SZRD1: variants seen among roughly 807,000 people sequenced by gnomAD.
SZRD1 encodes SUZ RNA-binding domain-containing.
Under a neutral mutation model 17.6 loss-of-function variants are expected in SZRD1, and 7 were observed. That is an observed-to-expected ratio of 0.40 (90% confidence interval 0.23 to 0.75). The LOEUF is 0.75. Ranked by LOEUF, SZRD1 falls within the 30% of genes least tolerant of loss-of-function variation. The pLI is 0.38. For synonymous variants in SZRD1, 77 were observed against 77.9 expected (o/e 0.99, Z 0.06); for missense variants, 178 against 201.8 (o/e 0.88, Z 0.71).
At chr1:16,382,240 T>G (rs1396055910) in intron 1 of SZRD1, among the ~76,000 whole-genome samples, 1 of 151,476 alleles carries the variant, frequency 6.6e-6, no homozygotes, top group Non-Finnish European at 1.5e-5. Context: ...CAGGCTGGAG[T>G]GCAGTGGCCC....
At chr1:16,382,667 G>C (rs1322650612) in intron 1 of SZRD1, among the ~76,000 whole-genome samples, 1 of 150,498 alleles carries the variant, frequency 6.6e-6, no homozygotes, top group African/African-American at 2.5e-5. Flanking sequence ...GCTAATTTTT[G>C]CACTTTTGGT....
intron 1 of SZRD1, among the ~76,000 whole-genome samples, chr1:16,378,322 G>C (rs1399538062): frequency 1.6e-5 from 2 of 126,874 alleles, no homozygotes; most frequent in Admixed American, 2.0e-4. Context: ...GTCTTGCTCT[G>C]TCGCCCAGGC....
rs779819330 is a variant in SZRD1 at position 16,393,519 on chromosome 1, T to C, written c.356+37T>C. On this transcript the variant is annotated intron_variant, in intron 3 of 3. Transcript: ENST00000401088. The surrounding 1 kb of genome is among the most constrained non-coding windows in gnomAD (Gnocchi z 5.6). Reference sequence around the variant, plus strand: ...TGGCAGGGCCGGCCAGTGATGGCTGTCCCAGTCCACCCGGGAAGAGGAGAG... The same window carrying C: ...TGGCAGGGCCGGCCAGTGATGGCTGCCCCAGTCCACCCGGGAAGAGGAGAG... 4.5e-6 allele frequency: 7 copies of C among 1,572,836 alleles called. No homozygotes were observed. Among genetic ancestry groups the C allele is most frequent in the Admixed American group, 1.8e-5 (1 of 54,102 alleles).
chr1:16,370,817 T>G (rs192757892), intron 1 of SZRD1, among the ~76,000 whole-genome samples: 1,664 of 152,266 alleles, frequency 0.011, 34 homozygotes, highest in African/African-American at 0.037. Context: ...TCATTTTTAA[T>G]AGTTTGTCTG....
chr1:16,393,242 C>T lies in SZRD1; in HGVS notation c.116C>T (p.Ser39Phe), dbSNP rs1354300948. ...ITQKESRKSKSPPKVPIVIQD... is the reference protein window; with the variant it reads ...ITQKESRKSKFPPKVPIVIQD... ...CTCTTTGTCAGCAGGAAATCCAAAT[C>T]TCCTCCCAAAGTGCCCATTGTGATT... Residue 39 changes from serine to phenylalanine, a missense_variant, in exon 3 of 4, where the codon TCT becomes TTT. By Grantham distance (155) the Ser-to-Phe change is radical. This residue lies in a region of SZRD1 where 117 missense variants were observed against 108.7 expected (regional missense o/e 1.08). Transcript: ENST00000401088. This position sits in a 1 kb window ranked among gnomAD's most constrained non-coding sequence, Gnocchi z 5.6. 1.2e-6 allele frequency: 2 copies of T among 1,613,892 alleles called. No homozygotes were observed.
intron 1 of SZRD1, among the ~76,000 whole-genome samples, chr1:16,383,769 G>A (rs1409356831): frequency 1.1e-4 from 16 of 151,460 alleles, no homozygotes; most frequent in African/African-American, 3.6e-4. Context: ...ACAGGCATGC[G>A]CCACCACGCC....
intron 1 of SZRD1, chr1:16,387,223 C>T (rs1242819604): frequency 1.3e-5 from 6 of 446,204 alleles, no homozygotes; most frequent in African/African-American, 8.1e-5. Flanking sequence ...ACATGGCCTA[C>T]GATGTCCTCT....
intron 3 of SZRD1, among the ~76,000 whole-genome samples, chr1:16,394,298 G>A (rs750629315): frequency 3.3e-5 from 5 of 152,150 alleles, no homozygotes; most frequent in African/African-American, 9.7e-5. Flanking sequence ...ACCGTTAACC[G>A]CAGAGTTTGG....
rs191625193 is a variant in SZRD1, at chr1:16,380,243, G to A, written c.52-11132G>A. ...TATTCCCATCTACTTGGGAGGCTGA[G>A]GCAGGAGGATCGCTTGAGGGCAGGA... On this transcript the variant is annotated intron_variant, in intron 1 of 3. Transcript: ENST00000401088. Among the ~76,000 whole-genome samples the A allele has an allele frequency of 4.2e-3, 637 of 152,196 alleles. 8 individuals carry two copies. Among genetic ancestry groups the A allele is most frequent in the African/African-American group, 0.015 (610 of 41,546 alleles).
chr1:16,367,317 G>A lies in SZRD1; in HGVS notation c.51+9G>A, dbSNP rs996135855. On this transcript the variant is annotated intron_variant, in intron 1 of 3. Transcript: ENST00000401088. ...AGGCGGCAGACAGCGGGGTAAGGAGGAGCCGCCGTCCCATGGCAGGGCCGG... is the reference window on the plus strand; with the variant it reads ...AGGCGGCAGACAGCGGGGTAAGGAGAAGCCGCCGTCCCATGGCAGGGCCGG... The A allele has an allele frequency of 3.9e-6, 6 of 1,548,316 alleles. No individual in the cohort carries two copies.
At chr1:16,381,659 C>T (rs780258422) in intron 1 of SZRD1, among the ~76,000 whole-genome samples, 13 of 151,776 alleles carry the variant, frequency 8.6e-5, no homozygotes, top group Non-Finnish European at 1.3e-4. Flanking sequence ...AGGCCGAGTG[C>T]GGTGGCTCAC....
intron 1 of SZRD1, among the ~76,000 whole-genome samples, chr1:16,369,818 G>T (rs1243199315): frequency 6.6e-6 from 1 of 151,646 alleles, no homozygotes; most frequent in Non-Finnish European, 1.5e-5. Context: ...GAACCTAGGA[G>T]GCGGAGGTTG....
intron 1 of SZRD1, among the ~76,000 whole-genome samples, 189 bp downstream of exon 1, chr1:16,367,497 C>T (rs972301185): frequency 1.3e-5 from 2 of 151,876 alleles, no homozygotes; most frequent in Admixed American, 6.6e-5. Context: ...CATTTCTCTC[C>T]TTTCCTTTGC....
intron 1 of SZRD1, among the ~76,000 whole-genome samples, chr1:16,369,780 T>C (rs1450613280): frequency 6.6e-6 from 1 of 151,722 alleles, no homozygotes; most frequent in African/African-American, 2.4e-5. Flanking sequence ...TCCTAGCTAC[T>C]TGGGAGGCTG....
At chr1:16,389,405 C>T (rs959041503) in intron 1 of SZRD1, among the ~76,000 whole-genome samples, 52 of 150,968 alleles carry the variant, frequency 3.4e-4, no homozygotes, top group African/African-American at 7.4e-5. Flanking sequence ...GCTGGGACTA[C>T]AGGCGTCCTG....
intron 1 of SZRD1, among the ~76,000 whole-genome samples, chr1:16,368,821 A>G (rs1015406287): frequency 6.6e-6 from 1 of 152,210 alleles, no homozygotes; most frequent in Non-Finnish European, 1.5e-5. Flanking sequence ...ATATCATGCA[A>G]ATGATACGTT....
chr1:16,379,142 T>C (rs1011741251), intron 1 of SZRD1, among the ~76,000 whole-genome samples: 3 of 152,096 alleles, frequency 2.0e-5, no homozygotes, highest in African/African-American at 7.2e-5. Flanking sequence ...GTTTTTGAGA[T>C]GGAGTCTCGC....
intron 1 of SZRD1, among the ~76,000 whole-genome samples, chr1:16,372,408 G>A (rs995814005): frequency 2.6e-5 from 4 of 152,168 alleles, no homozygotes; most frequent in African/African-American, 4.8e-5. Flanking sequence ...GGGAGGCAGA[G>A]GTTGCAGTGA....
rs2085316887 is a variant in SZRD1, at chr1:16,396,663, T to C, written c.*1523T>C. Reference sequence around the variant, plus strand: ...GACCAGCAGATACGTTTCGGAGTGGTTGGTGTGGTTTTTGTGATGAGGGCA... The same window carrying C: ...GACCAGCAGATACGTTTCGGAGTGGCTGGTGTGGTTTTTGTGATGAGGGCA... On this transcript the variant is annotated 3_prime_UTR_variant, in exon 4 of 4. Coordinates refer to ENST00000401088, the MANE Select transcript of SZRD1 (RefSeq NM_001114600.3). The C allele has an allele frequency of 6.6e-6, 1 of 152,356 alleles. No homozygotes were observed. The highest frequency in any genetic ancestry group is 1.5e-5 in the Non-Finnish European group (1 of 68,192). 9.4% of individuals were successfully genotyped at this position (152,356 alleles called of 1,614,324 possible).
Sources: gnomAD v4.1 joint callset for allele counts (sites outside exome capture counted in the v4.1 genomes callset) on GRCh38, gnomAD v4.1.1 for gene constraint, gnomAD v4.1.1 regional missense constraint, Gnocchi (gnomAD v3.1) non-coding constraint, MANE v1.5 for transcripts, NCBI Gene and HGNC (gene_info 2026-07-23, HGNC 2026-07-21) for gene names.